ZMAT4: variants seen among roughly 807,000 people sequenced by gnomAD.
The protein encoded by ZMAT4 is zinc finger matrin-type 4.
A neutral mutation model predicts 28.7 loss-of-function variants in ZMAT4; 17 were observed. That is an observed-to-expected ratio of 0.59 (90% CI 0.41 to 0.89). The LOEUF (loss-of-function observed/expected upper bound fraction) is 0.89. Ranked by LOEUF, ZMAT4 falls within the 40% of genes least tolerant of loss-of-function variation. The pLI, the probability that ZMAT4 is intolerant of heterozygous loss-of-function variation, is 0.00. For synonymous variants in ZMAT4, 117 were observed against 109.2 expected (o/e 1.07, Z -0.44); for missense variants, 240 against 283.8 (o/e 0.85, Z 1.11).
intron 5 of ZMAT4, among the ~76,000 whole-genome samples, chr8:40,602,050 G>T (rs905482957): frequency 3.3e-5 from 5 of 152,060 alleles, no homozygotes; most frequent in Non-Finnish European, 7.4e-5. Flanking sequence ...AAAGTACATT[G>T]TATCATTCTT....
At chr8:40,886,254 A>ATC (rs1353808228) in intron 1 of ZMAT4, among the ~76,000 whole-genome samples, 2 of 152,318 alleles carry the variant, frequency 1.3e-5, no homozygotes, top group South Asian at 2.1e-4. Flanking sequence ...AAGGGGACAG[A>ATC]TCAGGGAATG....
At chr8:40,728,303 C>T (rs1280256175) in intron 3 of ZMAT4, among the ~76,000 whole-genome samples, 2 of 152,174 alleles carry the variant, frequency 1.3e-5, no homozygotes, top group African/African-American at 4.8e-5. Context: ...TAAAGTGATG[C>T]TAACCACTGA....
chr8:40,647,852 G>C (rs1203380180), intron 5 of ZMAT4, among the ~76,000 whole-genome samples: 1 of 152,148 alleles, frequency 6.6e-6, no homozygotes, highest in African/African-American at 2.4e-5. Context: ...CAACAGACCT[G>C]CAGCTGAGGG....
intron 2 of ZMAT4, among the ~76,000 whole-genome samples, chr8:40,818,007 C>T (rs569063038): frequency 1.7e-4 from 26 of 152,308 alleles, no homozygotes; most frequent in South Asian, 1.7e-3. Flanking sequence ...GTGACATCAA[C>T]GGCTGTCTGC....
intron 4 of ZMAT4, among the ~76,000 whole-genome samples, chr8:40,678,132 C>T (rs1373725633): frequency 6.6e-6 from 1 of 152,050 alleles, no homozygotes; most frequent in East Asian, 1.9e-4. Flanking sequence ...TTGAAAATAA[C>T]TATAAAATGA....
At chr8:40,767,782 C>A (rs761197172) in intron 2 of ZMAT4, 52 bp from the exon 3 acceptor site, 3 of 1,467,656 alleles carry the variant, frequency 2.0e-6, no homozygotes, top group South Asian at 2.6e-5. Context: ...CATTTCAAAC[C>A]CTTTGAAACC....
intron 5 of ZMAT4, among the ~76,000 whole-genome samples, chr8:40,664,341 C>T (rs1460045129): frequency 6.6e-6 from 1 of 152,120 alleles, no homozygotes; most frequent in East Asian, 1.9e-4. Flanking sequence ...AGTGAGCTGC[C>T]TTTTCTCTCT....
chr8:40,780,555 G>T (rs1158873598), intron 2 of ZMAT4, among the ~76,000 whole-genome samples: 2 of 152,094 alleles, frequency 1.3e-5, no homozygotes, highest in Non-Finnish European at 2.9e-5. Context: ...ACAAAACCAA[G>T]TGAAACAAAA....
intron 5 of ZMAT4, among the ~76,000 whole-genome samples, chr8:40,668,276 C>A: frequency 6.6e-6 from 1 of 151,828 alleles, no homozygotes; most frequent in South Asian, 2.1e-4. Flanking sequence ...TTGGAACCAG[C>A]CTGGCCAACA....
rs1051328372 is a variant in ZMAT4, at chr8:40,537,826, T to A, written c.675-5588A>T. On this transcript the variant is annotated intron_variant, in intron 6 of 6. Coordinates refer to ENST00000297737, the MANE Select transcript of ZMAT4 (RefSeq NM_024645.3). ...TCCTAATACACACACATCCTCCTCA[T>A]TCCTGAGATCCACAACATCACAACC... is the stretch of plus-strand genomic sequence containing the variant. 4.6e-5 allele frequency among the ~76,000 whole-genome samples: 7 copies of A among 152,286 alleles called. No homozygotes were observed. The East Asian group carries it at 7.7e-4, about 17-fold the overall frequency.
At chr8:40,811,084 G>C (rs1815295473) in intron 2 of ZMAT4, among the ~76,000 whole-genome samples, 1 of 152,194 alleles carries the variant, frequency 6.6e-6, no homozygotes, top group Admixed American at 6.5e-5. Flanking sequence ...GGAGAGTAGA[G>C]CAAGGCTGAG....
At chr8:40,563,554 C>T (rs1803816702) in intron 6 of ZMAT4, among the ~76,000 whole-genome samples, 1 of 152,100 alleles carries the variant, frequency 6.6e-6, no homozygotes. Context: ...GTAACAGATG[C>T]AATTCATCTT....
At chr8:40,697,637 G>A (rs1563418807) in intron 3 of ZMAT4, among the ~76,000 whole-genome samples, 2 of 151,938 alleles carry the variant, frequency 1.3e-5, no homozygotes, top group Admixed American at 6.6e-5. Flanking sequence ...GTATACATGT[G>A]CCATGGTGGT....
At chr8:40,604,777 G>A (rs1453826464) in intron 5 of ZMAT4, among the ~76,000 whole-genome samples, 1 of 152,142 alleles carries the variant, frequency 6.6e-6, no homozygotes, top group Non-Finnish European at 1.5e-5. Context: ...CTATCTTTTG[G>A]AGTAGTGTCA....
At chr8:40,824,486 A>C (rs981090450) in intron 2 of ZMAT4, among the ~76,000 whole-genome samples, 2 of 152,030 alleles carry the variant, frequency 1.3e-5, no homozygotes, top group African/African-American at 4.8e-5. Flanking sequence ...AGAAAAGAAA[A>C]GAAAGAAATT....
chr8:40,732,232 T>C (rs562323054), intron 3 of ZMAT4, among the ~76,000 whole-genome samples: 4 of 152,108 alleles, frequency 2.6e-5, no homozygotes, highest in Non-Finnish European at 4.4e-5. Flanking sequence ...TGTATACATG[T>C]TTTACCCCAA....
At chr8:40,672,430 G>A (rs528202916) in intron 5 of ZMAT4, among the ~76,000 whole-genome samples, 2 of 152,116 alleles carry the variant, frequency 1.3e-5, no homozygotes, top group Non-Finnish European at 2.9e-5. Context: ...ATCACCTGGA[G>A]CGTGTGGAAA....
chr8:40,715,340 G>C (rs1207109167), intron 3 of ZMAT4, among the ~76,000 whole-genome samples: 1 of 152,048 alleles, frequency 6.6e-6, no homozygotes, highest in Non-Finnish European at 1.5e-5. Flanking sequence ...AGACATAGCT[G>C]GTACCCAGAG....
At chr8:40,639,803 T>C (rs1296971105) in intron 5 of ZMAT4, among the ~76,000 whole-genome samples, 1 of 101,348 alleles carries the variant, frequency 9.9e-6, no homozygotes, top group South Asian at 3.4e-4. Context: ...CACACACACA[T>C]TCTTTGTATA....
Sources: allele counts gnomAD v4.1 joint callset (sites outside exome capture counted in the v4.1 genomes callset), GRCh38; gene constraint gnomAD v4.1.1; transcripts MANE v1.5; gene names NCBI Gene and HGNC (gene_info 2026-07-23, HGNC 2026-07-21).